The following SLIT2 variants were observed in gnomAD, a reference collection of about 807,000 sequenced individuals.
The protein encoded by SLIT2 is slit guidance ligand 2.
SLIT2 carries 41 observed loss-of-function variants against 185.7 expected under a neutral mutation model. The ratio of observed to expected loss-of-function variants is 0.22; its 90% CI spans 0.17 to 0.29. The LOEUF (loss-of-function observed/expected upper bound fraction) is 0.29, where lower values mean the gene tolerates loss of function less well. SLIT2 is among the 10% of genes least tolerant of loss of function. SLIT2 has a pLI of 1.00. For synonymous variants in SLIT2, 693 were observed against 680.2 expected (o/e 1.02, Z -0.29); for missense variants, 1,571 against 1,909.0 (o/e 0.82, Z 3.30).
In SLIT2 at chr4:20,314,900, AAATGTTAAT is replaced by A. The variant is rs1718433289; in HGVS notation, c.395+46024_395+46032del. Among the ~76,000 whole-genome samples the A allele has an allele frequency of 2.0e-5, 3 of 152,232 alleles. No individual in the cohort carries two copies. The South Asian group carries it at 6.2e-4, about 32-fold the overall frequency. On this transcript the variant is annotated intron_variant, in intron 4 of 36. Transcript: ENST00000504154. ...CCTGCATAAAATTAGCAGAAGGGAA[AAATGTTAAT>A]AATGCCTAGTGTTGTTAAAGGTGTG...
intron 28 of SLIT2, among the ~76,000 whole-genome samples, 187 bp from the exon 29 acceptor site, chr4:20,568,678 C>T (rs1430372744): frequency 6.6e-6 from 1 of 151,896 alleles, no homozygotes; most frequent in Non-Finnish European, 1.5e-5. Flanking sequence ...AGGGTTTCTG[C>T]TTTGGTGGAT....
chr4:20,480,718 A>G lies in SLIT2; in HGVS notation c.470A>G (p.Gln157Arg). ...FRGAVDIKNL[Q>R]LDYNQISCIE... The stretch of plus-strand genomic sequence containing the variant: ...TATTCTTCTAATCTTTTTAACAGGC[A>G]ACTGGATTACAACCAGATCAGCTGT... Residue 157 changes from glutamine (Q) to arginine (R), a missense_variant and splice_region_variant, in exon 6 of 37, where the codon CAA becomes CGA. Gln to Arg is a conservative substitution (Grantham distance 43). This residue lies in a region of SLIT2 where 1,202 missense variants were observed against 1,416.4 expected (regional missense o/e 0.85). Transcript: ENST00000504154. 1 of 1,612,432 alleles carries G rather than the reference A, an allele frequency of 6.2e-7. No individual in the cohort carries two copies.
At chr4:20,459,753 C>T (rs1037002217) in intron 4 of SLIT2, among the ~76,000 whole-genome samples, 1 of 152,114 alleles carries the variant, frequency 6.6e-6, no homozygotes, top group Non-Finnish European at 1.5e-5. Context: ...TCTAATTTCC[C>T]TGGTTATGTC....
intron 4 of SLIT2, among the ~76,000 whole-genome samples, chr4:20,332,674 A>C (rs1195325225): frequency 6.7e-6 from 1 of 150,074 alleles, no homozygotes; most frequent in Non-Finnish European, 1.5e-5. Context: ...ACTCCTTCTC[A>C]AAAAAAAACA....
At position 20,513,962 on chromosome 4, in the gene SLIT2, A is replaced by G. The variant is rs150276676; in HGVS notation, c.1058+2825A>G. 3.7e-3 allele frequency among the ~76,000 whole-genome samples: 565 copies of G among 152,274 alleles called. 3 individuals are homozygous for G. Among genetic ancestry groups the G allele is most frequent in the African/African-American group, 0.013 (542 of 41,572 alleles). On this transcript the variant is annotated intron_variant, in intron 11 of 36. Coordinates refer to ENST00000504154, the MANE Select transcript of SLIT2 (RefSeq NM_004787.4). ...GTAGTGGGTGCTTGAAACTGAAATG[A>G]TGAAGAGAATGCAATTGTAACTACA...
intron 4 of SLIT2, among the ~76,000 whole-genome samples, chr4:20,445,327 T>G (rs1394331057): frequency 8.5e-5 from 13 of 152,242 alleles, no homozygotes; most frequent in African/African-American, 3.1e-4. Context: ...ATTCATTATT[T>G]TATGAATTTG....
intron 9 of SLIT2, among the ~76,000 whole-genome samples, chr4:20,497,544 C>T (rs1346084909): frequency 6.6e-6 from 1 of 152,170 alleles, no homozygotes; most frequent in Non-Finnish European, 1.5e-5. Flanking sequence ...CATTAAGATA[C>T]AGGATTGTTT....
intron 3 of SLIT2, among the ~76,000 whole-genome samples, chr4:20,262,822 A>C (rs181640525): frequency 6.6e-6 from 1 of 152,042 alleles, no homozygotes; most frequent in Admixed American, 6.6e-5. Context: ...CGCTGTTACA[A>C]GTTTAGCAGA....
intron 4 of SLIT2, among the ~76,000 whole-genome samples, chr4:20,395,666 T>C (rs534215584): frequency 1.2e-4 from 19 of 152,132 alleles, no homozygotes; most frequent in Admixed American, 6.6e-4. Context: ...ACATTACCTT[T>C]ATAAATAGCT....
chr4:20,376,214 G>T (rs1399098353), intron 4 of SLIT2, among the ~76,000 whole-genome samples: 1 of 127,648 alleles, frequency 7.8e-6, no homozygotes, highest in East Asian at 2.4e-4. Context: ...TATTCATACT[G>T]TTGTAATATC....
Position 20,254,265 on chromosome 4 carries a change from G to T in SLIT2, c.179+271G>T, listed in dbSNP as rs1175673736. Among the ~76,000 whole-genome samples the T allele has an allele frequency of 6.6e-6, 1 of 152,188 alleles. No homozygotes were observed. The highest frequency in any genetic ancestry group is 2.4e-5 in the African/African-American group (1 of 41,460). ...GCTCCTTGCTGGCTAGTTCTCTGGGGCTGGGGAGCGGGTAGATAGGGGACA... is the reference window on the plus strand; with the variant it reads ...GCTCCTTGCTGGCTAGTTCTCTGGGTCTGGGGAGCGGGTAGATAGGGGACA... On this transcript the variant is annotated intron_variant, in intron 1 of 36. Coordinates refer to ENST00000504154, the MANE Select transcript of SLIT2 (RefSeq NM_004787.4). This position sits in a 1 kb window ranked among gnomAD's most constrained non-coding sequence, Gnocchi z 5.1.
intron 4 of SLIT2, among the ~76,000 whole-genome samples, chr4:20,342,753 A>G (rs1023849492): frequency 9.1e-6 from 1 of 110,106 alleles, no homozygotes; most frequent in Non-Finnish European, 1.7e-5. Context: ...GCACAAATAC[A>G]CGTTCTAATG....
At chr4:20,462,658 T>A (rs1307559197) in intron 4 of SLIT2, among the ~76,000 whole-genome samples, 27 of 152,208 alleles carry the variant, frequency 1.8e-4, no homozygotes. Flanking sequence ...TTTCCCTGTC[T>A]GCTCTGAAAC....
At chr4:20,516,352 T>C (rs541132789) in intron 11 of SLIT2, among the ~76,000 whole-genome samples, 11 of 149,756 alleles carry the variant, frequency 7.3e-5, no homozygotes, top group South Asian at 4.1e-4. Flanking sequence ...CATATAATAG[T>C]ACGTATGTAT....
intron 4 of SLIT2, among the ~76,000 whole-genome samples, chr4:20,358,877 A>G (rs1722534432): frequency 6.6e-6 from 1 of 152,170 alleles, no homozygotes; most frequent in Non-Finnish European, 1.5e-5. Context: ...CTGAAGAATA[A>G]TATATTCACT....
At chr4:20,308,627 C>G (rs1454610218) in intron 4 of SLIT2, among the ~76,000 whole-genome samples, 4 of 151,902 alleles carry the variant, frequency 2.6e-5, no homozygotes, top group Non-Finnish European at 5.9e-5. Context: ...TTCAAAGACT[C>G]TTGGTGGGAT....
intron 4 of SLIT2, among the ~76,000 whole-genome samples, chr4:20,286,895 C>T (rs898069702): frequency 2.0e-5 from 3 of 152,140 alleles, no homozygotes; most frequent in Admixed American, 6.5e-5. Context: ...CATTTTTCCA[C>T]GCATTACACT....
At chr4:20,281,171 CT>C (rs1315352872) in intron 4 of SLIT2, among the ~76,000 whole-genome samples, 1 of 152,106 alleles carries the variant, frequency 6.6e-6, no homozygotes, top group Non-Finnish European at 1.5e-5. Context: ...ATGCTTATGC[CT>C]TATTAAGTGG....
intron 9 of SLIT2, among the ~76,000 whole-genome samples, chr4:20,499,311 A>G (rs1481494252): frequency 6.6e-6 from 1 of 152,158 alleles, no homozygotes; most frequent in Non-Finnish European, 1.5e-5. Context: ...TGTTGCAAAT[A>G]CAATTTTAAA....
Sources: allele counts gnomAD v4.1 joint callset (sites outside exome capture counted in the v4.1 genomes callset), GRCh38; gene constraint gnomAD v4.1.1; regional missense constraint gnomAD v4.1.1; non-coding constraint Gnocchi (gnomAD v3.1); transcripts MANE v1.5; gene names NCBI Gene and HGNC (gene_info 2026-07-23, HGNC 2026-07-21).